The following SCML2 variants were observed in gnomAD, a reference collection of about 807,000 sequenced individuals.
SCML2 encodes Scm polycomb group protein like 2.
SCML2 carries 6 observed loss-of-function variants against 48.4 expected under a neutral mutation model. The observed-to-expected ratio is 0.12, with a 90% confidence interval of 0.07 to 0.24. SCML2 has a LOEUF of 0.24. Ranked by LOEUF, SCML2 falls within the 10% of genes least tolerant of loss-of-function variation. The pLI is 1.00. For synonymous variants in SCML2, 181 were observed against 189.5 expected, an observed-to-expected ratio of 0.95 and a Z score of 0.37; for missense variants, 377 against 528.2, an observed-to-expected ratio of 0.71 and a Z score of 2.81.
chrX:18,334,890 A>G (rs1251080222), intron 1 of SCML2, among the ~76,000 whole-genome samples: 1 of 112,254 alleles, frequency 8.9e-6, no homozygotes, highest in Non-Finnish European at 1.9e-5. Context: ...ACTGAAGGTA[A>G]TCTGGCACTT....
chrX:18,330,811 A>C (rs1290897804), intron 2 of SCML2, among the ~76,000 whole-genome samples, 156 bp from the exon 3 acceptor site: 1 of 111,855 alleles, frequency 8.9e-6, no homozygotes, highest in African/African-American at 3.2e-5. Flanking sequence ...TGTACTATGC[A>C]TTTTATAATC....
intron 7 of SCML2, among the ~76,000 whole-genome samples, chrX:18,293,212 G>T (rs1928290534): frequency 9.0e-6 from 1 of 111,611 alleles, no homozygotes; most frequent in South Asian, 3.7e-4. Context: ...CTAAAAAACT[G>T]TACTTTTATT....
chrX:18,248,474 G>A (rs945904759), intron 11 of SCML2, among the ~76,000 whole-genome samples: 4 of 112,125 alleles, frequency 3.6e-5, no homozygotes, highest in African/African-American at 1.3e-4. Context: ...GGACAAATAA[G>A]GTGTAAGAGA....
In SCML2 at chrX:18,265,791, T is replaced by C; in HGVS notation, c.742A>G (p.Lys248Glu). Residue 248 changes from lysine (K) to glutamate (E), a missense_variant, in exon 8 of 15, where the codon AAG becomes GAG. By Grantham distance (56) the Lys-to-Glu change is moderately conservative (BLOSUM62 1). This residue lies in a region of SCML2 where 299 missense variants were observed against 425.5 expected (regional missense o/e 0.70). Transcript: ENST00000251900. ...GAAGACTCTGTTTTTGCTATATTCT[T>C]TACAATAGGAACTGAGGAAAAAAAT... is the stretch of plus-strand genomic sequence containing the variant. ...QPPGTSVPIV[K>E]NIAKTESSPS... The C allele has an allele frequency of 8.4e-7, 1 of 1,197,450 alleles. No homozygotes were observed. Among genetic ancestry groups the C allele is most frequent in the Non-Finnish European group, 1.1e-6 (1 of 884,428 alleles).
At chrX:18,345,801 G>C (rs747053553) in intron 1 of SCML2, among the ~76,000 whole-genome samples, 1 of 109,956 alleles carries the variant, frequency 9.1e-6, no homozygotes, top group African/African-American at 3.3e-5. Flanking sequence ...ACTGCAGCCT[G>C]ACCTCCCGGC....
intron 6 of SCML2, among the ~76,000 whole-genome samples, chrX:18,308,901 A>C (rs755356808): frequency 5.4e-5 from 6 of 111,441 alleles, no homozygotes; most frequent in Non-Finnish European, 1.1e-4. Context: ...TCATTAGAGA[A>C]ATGCAAATCA....
chrX:18,257,958 AAAGGGAAGGGGG>A (rs879030487), intron 10 of SCML2, 74 bp downstream of exon 10: 93,834 of 455,841 alleles, frequency 0.21, 7,747 homozygotes, highest in East Asian at 0.32. Flanking sequence ...AGGGGAGAGG[AAAGGGAAGGGGG>A]AAGGGAAGGG....
At chrX:18,332,104 TATTCTA>T (rs1420967934) in intron 2 of SCML2, among the ~76,000 whole-genome samples, 1 of 112,164 alleles carries the variant, frequency 8.9e-6, no homozygotes, top group South Asian at 3.7e-4. Flanking sequence ...AAAATGAAGG[TATTCTA>T]ATTCTATCAT....
intron 7 of SCML2, among the ~76,000 whole-genome samples, chrX:18,289,061 A>C (rs1928150134): frequency 8.9e-6 from 1 of 111,864 alleles, no homozygotes; most frequent in Non-Finnish European, 1.9e-5. Context: ...CCGGGGTCAG[A>C]GAAACTAGAA....
intron 7 of SCML2, among the ~76,000 whole-genome samples, chrX:18,280,487 T>G (rs1927793120): frequency 9.0e-6 from 1 of 111,600 alleles, no homozygotes; most frequent in Admixed American, 9.5e-5. Flanking sequence ...AACAACACAA[T>G]GACAGGATCA....
At chrX:18,293,637 G>C (rs952012375) in intron 7 of SCML2, among the ~76,000 whole-genome samples, 2 of 112,344 alleles carry the variant, frequency 1.8e-5, no homozygotes, top group Non-Finnish European at 3.8e-5. Context: ...AAAGTAAACA[G>C]TGTATTTGTA....
intron 2 of SCML2, among the ~76,000 whole-genome samples, chrX:18,331,669 T>C (rs1376017311): frequency 9.8e-5 from 11 of 112,161 alleles, no homozygotes; most frequent in Non-Finnish European, 7.5e-5. Flanking sequence ...TATGCTTGAT[T>C]CAGAACCCAA....
At chrX:18,299,439 A>G (rs369665928) in intron 7 of SCML2, among the ~76,000 whole-genome samples, 284 of 110,407 alleles carry the variant, frequency 2.6e-3, no homozygotes, top group African/African-American at 9.0e-3. Flanking sequence ...AACTGCTTGA[A>G]CCTGGGAGGC....
At chrX:18,329,851 G>A (rs1929599843) in intron 3 of SCML2, among the ~76,000 whole-genome samples, 1 of 112,436 alleles carries the variant, frequency 8.9e-6, no homozygotes. Context: ...GTTGAGGCAA[G>A]TGGATCACCT....
At chrX:18,312,381 A>T (rs1928978688) in intron 6 of SCML2, among the ~76,000 whole-genome samples, 1 of 111,288 alleles carries the variant, frequency 9.0e-6, no homozygotes, top group South Asian at 3.8e-4. Context: ...TATAGCCTAT[A>T]TACATCCCCC....
intron 7 of SCML2, among the ~76,000 whole-genome samples, chrX:18,270,816 T>C (rs965727482): frequency 9.0e-6 from 1 of 111,464 alleles, no homozygotes; most frequent in Non-Finnish European, 1.9e-5. Flanking sequence ...CATATGTATA[T>C]GAACACACAA....
intron 1 of SCML2, among the ~76,000 whole-genome samples, chrX:18,351,568 C>T (rs1480596986): frequency 9.2e-6 from 1 of 108,121 alleles, no homozygotes; most frequent in Non-Finnish European, 1.9e-5. Flanking sequence ...GACAGTGAGA[C>T]CTACCCTCCC....
intron 11 of SCML2, 72 bp downstream of exon 11, chrX:18,256,776 G>A: frequency 1.2e-6 from 1 of 855,192 alleles, no homozygotes; most frequent in Non-Finnish European, 1.6e-6. Context: ...ACTTTGAGGA[G>A]AACACAAGGA....
intron 7 of SCML2, among the ~76,000 whole-genome samples, chrX:18,296,482 T>G (rs944323880): frequency 7.3e-5 from 8 of 110,181 alleles, no homozygotes; most frequent in Non-Finnish European, 1.5e-4. Flanking sequence ...ATACAAATTT[T>G]GGATGTTTCA....
Sources: allele counts gnomAD v4.1 joint callset (sites outside exome capture counted in the v4.1 genomes callset), GRCh38; gene constraint gnomAD v4.1.1; regional missense constraint gnomAD v4.1.1; transcripts MANE v1.5; gene names NCBI Gene and HGNC (gene_info 2026-07-23, HGNC 2026-07-21).